SH3KBP1: variants seen among roughly 807,000 people sequenced by gnomAD.
The protein encoded by SH3KBP1 is SH3 domain containing kinase binding protein 1.
SH3KBP1 carries 8 observed loss-of-function variants against 50.1 expected under a neutral mutation model. The ratio of observed to expected loss-of-function variants is 0.16; its 90% CI spans 0.09 to 0.29. The LOEUF is 0.29. Ranked by LOEUF, SH3KBP1 falls within the 10% of genes least tolerant of loss-of-function variation. SH3KBP1 has a pLI of 1.00. For synonymous variants in SH3KBP1, 227 were observed against 218.6 expected (o/e 1.04, Z -0.34); for missense variants, 377 against 535.2 (o/e 0.70, Z 2.92).
At chrX:19,825,539 T>C (rs1464008746) in intron 2 of SH3KBP1, among the ~76,000 whole-genome samples, 3 of 111,415 alleles carry the variant, frequency 2.7e-5, no homozygotes, top group Non-Finnish European at 3.8e-5. Context: ...ATGCCTCAGT[T>C]ACCTGTCATA....
intron 13 of SH3KBP1, among the ~76,000 whole-genome samples, chrX:19,567,545 A>ATATATAT (rs2065882841): frequency 2.8e-5 from 2 of 72,220 alleles, no homozygotes; most frequent in African/African-American, 1.4e-4. Context: ...AAAAAAAAAA[A>ATATATAT]AAAAAAAAAA....
chrX:19,855,714 T>C (rs113012190), intron 1 of SH3KBP1, among the ~76,000 whole-genome samples: 179 of 111,936 alleles, frequency 1.6e-3, no homozygotes, highest in Non-Finnish European at 3.0e-3. Flanking sequence ...TACAGATCTA[T>C]ACTTTTTAAA....
intron 7 of SH3KBP1, among the ~76,000 whole-genome samples, chrX:19,634,821 T>C (rs1279566843): frequency 2.7e-5 from 3 of 111,646 alleles, no homozygotes; most frequent in African/African-American, 9.8e-5. Context: ...CTGGTTAACT[T>C]CAGCAGGACA....
chrX:19,822,536 A>G (rs951134041), intron 2 of SH3KBP1, among the ~76,000 whole-genome samples: 14 of 112,132 alleles, frequency 1.2e-4, no homozygotes, highest in Non-Finnish European at 2.1e-4. Flanking sequence ...GAGATTTTCT[A>G]ATTTTTCATT....
At chrX:19,608,086 C>A in intron 8 of SH3KBP1, 41 bp from the exon 9 acceptor site, 2 of 1,108,915 alleles carry the variant, frequency 1.8e-6, no homozygotes, top group Non-Finnish European at 1.2e-6. Flanking sequence ...TGGGGGCAAG[C>A]AGCCTCCAGA....
intron 2 of SH3KBP1, among the ~76,000 whole-genome samples, chrX:19,813,255 G>A (rs1310088527): frequency 9.0e-6 from 1 of 111,144 alleles, no homozygotes; most frequent in East Asian, 2.8e-4. Flanking sequence ...CCATGCTCTC[G>A]CTGAGGAGCC....
intron 6 of SH3KBP1, among the ~76,000 whole-genome samples, chrX:19,682,333 T>TACACAC (rs59044973): frequency 0.015 from 1,133 of 75,889 alleles, 18 homozygotes; most frequent in African/African-American, 0.039. Context: ...ATAAGAGTCA[T>TACACAC]ACACACACAC....
chrX:19,835,891 T>A (rs1486471492), intron 2 of SH3KBP1, among the ~76,000 whole-genome samples: 1 of 111,137 alleles, frequency 9.0e-6, no homozygotes, highest in Non-Finnish European at 1.9e-5. Flanking sequence ...AGCCTTAGCA[T>A]ATCCTAAGAA....
chrX:19,723,711 T>C (rs921243127), intron 3 of SH3KBP1, among the ~76,000 whole-genome samples: 2 of 112,168 alleles, frequency 1.8e-5, no homozygotes, highest in African/African-American at 6.5e-5. Flanking sequence ...GTATTATTTT[T>C]ATAGTAAGTC....
chrX:19,774,825 A>G (rs1374649789), intron 2 of SH3KBP1, among the ~76,000 whole-genome samples: 1 of 111,294 alleles, frequency 9.0e-6, no homozygotes, highest in Non-Finnish European at 1.9e-5. Flanking sequence ...TAAAAATTAT[A>G]TTCTTTAAAT....
At chrX:19,844,344 G>T (rs1213176131) in intron 1 of SH3KBP1, among the ~76,000 whole-genome samples, 1 of 111,715 alleles carries the variant, frequency 9.0e-6, no homozygotes, top group African/African-American at 3.3e-5. Context: ...CACCAGGAGT[G>T]TCCTTACAAA....
chrX:19,684,751 A>C (rs2063129881), intron 5 of SH3KBP1, among the ~76,000 whole-genome samples: 1 of 112,184 alleles, frequency 8.9e-6, no homozygotes, highest in African/African-American at 3.2e-5. Context: ...TTTAAACACC[A>C]GTGTTTTCCC....
intron 3 of SH3KBP1, among the ~76,000 whole-genome samples, chrX:19,712,021 A>G (rs1227038991): frequency 8.9e-6 from 1 of 112,023 alleles, no homozygotes; most frequent in Non-Finnish European, 1.9e-5. Flanking sequence ...CAGGTGATTA[A>G]AAGAAAAGAA....
intron 1 of SH3KBP1, among the ~76,000 whole-genome samples, chrX:19,873,388 T>C (rs1450305108): frequency 9.5e-6 from 1 of 105,561 alleles, no homozygotes; most frequent in Admixed American, 1.0e-4. Flanking sequence ...GTAAAAACCC[T>C]GGCTGGGCAT....
chrX:19,586,673 T>C (rs1302544906), intron 12 of SH3KBP1, among the ~76,000 whole-genome samples: 1 of 110,781 alleles, frequency 9.0e-6, no homozygotes. Flanking sequence ...ATGGAGGCAA[T>C]TGTTGGACTG....
intron 3 of SH3KBP1, among the ~76,000 whole-genome samples, chrX:19,742,245 T>C (rs1603172117): frequency 9.1e-6 from 1 of 110,479 alleles, no homozygotes; most frequent in East Asian, 2.8e-4. Flanking sequence ...AGACTACAGG[T>C]GCATGCCACC....
At chrX:19,759,554 C>T (rs760911372) in intron 2 of SH3KBP1, among the ~76,000 whole-genome samples, 1 of 111,702 alleles carries the variant, frequency 9.0e-6, no homozygotes, top group Non-Finnish European at 1.9e-5. Flanking sequence ...ATTCCAAGCC[C>T]GTGACAAAAC....
chrX:19,626,431 GA>G (rs2068023979), intron 8 of SH3KBP1, among the ~76,000 whole-genome samples: 1 of 111,571 alleles, frequency 9.0e-6, no homozygotes, highest in African/African-American at 3.3e-5. Flanking sequence ...CGAACATTGT[GA>G]GGGGAAGAGG....
chrX:19,659,760 G>A (rs1052028667), intron 6 of SH3KBP1, among the ~76,000 whole-genome samples: 1 of 112,434 alleles, frequency 8.9e-6, no homozygotes, highest in African/African-American at 3.2e-5. Flanking sequence ...TATCCTAGAT[G>A]TCAACTGTTG....
Sources: gnomAD v4.1 joint callset for allele counts (sites outside exome capture counted in the v4.1 genomes callset) on GRCh38, gnomAD v4.1.1 for gene constraint, MANE v1.5 for transcripts, NCBI Gene and HGNC (gene_info 2026-07-23, HGNC 2026-07-21) for gene names.